PXDN: variants seen among roughly 807,000 people sequenced by gnomAD.
The protein encoded by PXDN is peroxidasin homolog.
PXDN carries 77 observed loss-of-function variants against 140.3 expected under a neutral mutation model. That is an observed-to-expected ratio of 0.55 (90% CI 0.46 to 0.66). The LOEUF (loss-of-function observed/expected upper bound fraction) is 0.66. Ranked by LOEUF, PXDN falls within the 30% of genes least tolerant of loss-of-function variation. The pLI, the probability that PXDN is intolerant of heterozygous loss-of-function variation, is 0.00. For missense variants in PXDN, 1,838 were observed against 2,039.5 expected, an observed-to-expected ratio of 0.90 and a Z score of 1.90; for synonymous variants, 911 against 857.4, an observed-to-expected ratio of 1.06 and a Z score of -1.09.
Position 1,649,582 on chromosome 2 carries a change from G to A in PXDN, c.2198C>T (p.Ser733Leu), listed in dbSNP as rs372430177. 12 of 1,613,916 alleles carry A rather than the reference G, an allele frequency of 7.4e-6. No individual in the cohort carries two copies. Among genetic ancestry groups the A allele is most frequent in the African/African-American group, 5.3e-5 (4 of 74,938 alleles). The change falls in exon 17 of 23, where the codon TCG becomes TTG. Residue 733 changes from serine to leucine, a missense_variant. Around this residue, in one of 5 missense-constraint regions of PXDN, gnomAD observed 537 missense variants for 583.9 expected, o/e 0.92. Coordinates refer to ENST00000252804, the MANE Select transcript of PXDN (RefSeq NM_012293.3). The surrounding 1 kb of genome is among the most constrained non-coding windows in gnomAD (Gnocchi z 7.1). ...CTAHRRVNNC[S>L]DMCFHQKYRT... ...GTACTTCTGGTGGAAGCACATGTCC[G>A]AGCAGTTGTTCACGCGCCGGTGGGC...
At chr2:1,713,560 A>G (rs1423619031) in intron 1 of PXDN, among the ~76,000 whole-genome samples, 2 of 152,136 alleles carry the variant, frequency 1.3e-5, no homozygotes, top group Non-Finnish European at 2.9e-5. Flanking sequence ...GCCTCTCCCC[A>G]CTGGCCGCTC....
chr2:1,735,870 G>A (rs528359999), intron 1 of PXDN, among the ~76,000 whole-genome samples: 3 of 152,284 alleles, frequency 2.0e-5, no homozygotes, highest in Admixed American at 1.3e-4. Context: ...CCCATAGAAG[G>A]CTGCTTTGTC....
At chr2:1,658,615 C>T (rs2125420831) in intron 14 of PXDN, among the ~76,000 whole-genome samples, 1 of 152,252 alleles carries the variant, frequency 6.6e-6, no homozygotes, top group African/African-American at 2.4e-5. Context: ...CAAGCCAAAT[C>T]TTAGGAAAGC....
chr2:1,732,661 C>A (rs1225879278), intron 1 of PXDN, among the ~76,000 whole-genome samples: 1 of 152,118 alleles, frequency 6.6e-6, no homozygotes, highest in African/African-American at 2.4e-5. Context: ...GTACCAAGTA[C>A]AAAGCTCAAG....
At chr2:1,681,923 G>A (rs907211166) in intron 6 of PXDN, among the ~76,000 whole-genome samples, 2 of 152,258 alleles carry the variant, frequency 1.3e-5, no homozygotes, top group African/African-American at 2.4e-5. Flanking sequence ...CTATTCAGGA[G>A]GTCTAGAGAG....
intron 21 of PXDN, among the ~76,000 whole-genome samples, chr2:1,638,214 T>G (rs1339107318): frequency 6.6e-6 from 1 of 152,156 alleles, no homozygotes; most frequent in Non-Finnish European, 1.5e-5. Context: ...TGAGCGCACT[T>G]CCTTCTATTT....
intron 1 of PXDN, among the ~76,000 whole-genome samples, chr2:1,709,605 C>T (rs921366994): frequency 3.3e-5 from 5 of 152,308 alleles, no homozygotes; most frequent in Non-Finnish European, 4.4e-5. Context: ...CTCCTGACTG[C>T]GCTCCCACTC....
intron 14 of PXDN, among the ~76,000 whole-genome samples, chr2:1,657,285 C>T (rs1489557640): frequency 2.7e-5 from 4 of 150,568 alleles, no homozygotes; most frequent in African/African-American, 4.9e-5. Flanking sequence ...TGACTGAAAC[C>T]AGCCCCCTCC....
At chr2:1,712,633 G>A (rs1018052817) in intron 1 of PXDN, among the ~76,000 whole-genome samples, 1 of 152,244 alleles carries the variant, frequency 6.6e-6, no homozygotes, top group Admixed American at 6.5e-5. Flanking sequence ...GGTCACACAT[G>A]GCGGCCTTGT....
chr2:1,669,287 C>T (rs904574317), intron 9 of PXDN, among the ~76,000 whole-genome samples: 2 of 152,056 alleles, frequency 1.3e-5, no homozygotes, highest in Non-Finnish European at 2.9e-5. Context: ...ACATCAAACA[C>T]CAGGGCCTGT....
rs60806771 is a variant in PXDN, at chr2:1,705,239, C to T, written c.201-12105G>A. ...CCCCTGAGGGAGAGGCAGACCGGCTCAGTTCACTCCCAAACCCACATGACC... is the reference window on the plus strand; with the variant it reads ...CCCCTGAGGGAGAGGCAGACCGGCTTAGTTCACTCCCAAACCCACATGACC... On this transcript the variant is annotated intron_variant, in intron 1 of 22. Transcript: ENST00000252804. 0.019 allele frequency among the ~76,000 whole-genome samples: 2,957 copies of T among 152,224 alleles called. 233 individuals are homozygous for T. In the East Asian group the frequency reaches 0.29, roughly 15 times the overall value.
At chr2:1,720,183 GATGCACAGAGAGA>G (rs1685000024) in intron 1 of PXDN, among the ~76,000 whole-genome samples, 1 of 69,852 alleles carries the variant, frequency 1.4e-5, no homozygotes, top group Non-Finnish European at 2.8e-5. Flanking sequence ...GAGAGAGAGA[GATGCACAGAGAGA>G]GGGAGGGATG....
At chr2:1,743,152 C>A (rs1242383207) in intron 1 of PXDN, among the ~76,000 whole-genome samples, 3 of 152,216 alleles carry the variant, frequency 2.0e-5, no homozygotes, top group African/African-American at 7.2e-5. Context: ...CGAACTCTGG[C>A]GGCATCTCGG....
intron 1 of PXDN, among the ~76,000 whole-genome samples, chr2:1,696,554 G>A (rs1167578473): frequency 6.6e-6 from 1 of 152,050 alleles, no homozygotes; most frequent in African/African-American, 2.4e-5. Context: ...AGAGGGGAGA[G>A]GACTTGGGAG....
intron 1 of PXDN, among the ~76,000 whole-genome samples, chr2:1,715,179 A>G (rs929154451): frequency 2.0e-5 from 3 of 152,132 alleles, no homozygotes; most frequent in Non-Finnish European, 4.4e-5. Context: ...AACTTCTTCC[A>G]AGGCCATTTC....
chr2:1,695,217 G>C (rs1684274291), intron 1 of PXDN, among the ~76,000 whole-genome samples: 1 of 152,242 alleles, frequency 6.6e-6, no homozygotes, highest in Non-Finnish European at 1.5e-5. Context: ...CCACCTTCCT[G>C]ACATGCAGGC....
intron 6 of PXDN, among the ~76,000 whole-genome samples, chr2:1,681,310 T>C (rs1409450537): frequency 9.5e-5 from 14 of 147,474 alleles, no homozygotes; most frequent in African/African-American, 2.8e-4. Context: ...TCTATTTCCC[T>C]TTTTTTTTTC....
chr2:1,684,110 G>T lies in PXDN; in HGVS notation c.458C>A (p.Ser153Ter). The change falls in exon 5 of 23, where the codon TCG (serine) becomes TAG (stop). Residue 153 changes from serine to a stop codon, truncating the protein, a stop_gained. Transcript: ENST00000252804. LOFTEE classifies it high-confidence loss of function. ...CTCGAGCTTCGGGAGATGCTGGAAC[G>T]AATCTGGGTCCAAAGTTTCTATCTG... ...FNQIETLDPD[S>*]FQHLPKLERL... is the part of the protein sequence containing the mutation. The T allele has an allele frequency of 6.3e-7, 1 of 1,587,918 alleles. No homozygotes were observed. Among genetic ancestry groups the T allele is most frequent in the Non-Finnish European group, 8.6e-7 (1 of 1,166,526 alleles).
chr2:1,690,648 C>CAAAAAAAAAAAA (rs35970382), intron 3 of PXDN, among the ~76,000 whole-genome samples: 2 of 68,640 alleles, frequency 2.9e-5, no homozygotes, highest in Non-Finnish European at 5.5e-5. Context: ...TTCAAAATAC[C>CAAAAAAAAAAAA]AAAAAAAAAA....
Sources: allele counts gnomAD v4.1 joint callset (sites outside exome capture counted in the v4.1 genomes callset), GRCh38; gene constraint gnomAD v4.1.1; regional missense constraint gnomAD v4.1.1; non-coding constraint Gnocchi (gnomAD v3.1); transcripts MANE v1.5; gene names NCBI Gene and HGNC (gene_info 2026-07-23, HGNC 2026-07-21).